The following TUT7 variants were observed in gnomAD, a reference collection of about 807,000 sequenced individuals.
TUT7 encodes the protein terminal uridylyltransferase 7.
Under a neutral mutation model 165.9 loss-of-function variants are expected in TUT7, and 33 were observed. The observed-to-expected ratio is 0.20, with a 90% CI of 0.15 to 0.27. TUT7 has a LOEUF of 0.27. TUT7 is among the 10% of genes least tolerant of loss of function. The pLI, the probability that TUT7 is intolerant of heterozygous loss-of-function variation, is 1.00. For synonymous variants in TUT7, 552 were observed against 608.1 expected (o/e 0.91, Z 1.36); for missense variants, 1,338 against 1,762.3 (o/e 0.76, Z 4.31).
At position 86,311,560 on chromosome 9, in the gene TUT7, T is replaced by C. The variant is rs142557445; in HGVS notation, c.3275-751A>G. On this transcript the variant is annotated intron_variant, in intron 17 of 26. Transcript: ENST00000375963. The surrounding 1 kb of genome is among the most constrained non-coding windows in gnomAD (Gnocchi z 4.4). ...ATACACATTTTGCTAAGAATTATCC[T>C]TAGTCCTCTCCCTCTCCCTCTCCCC... is the stretch of plus-strand genomic sequence containing the variant. 3.7e-3 allele frequency among the ~76,000 whole-genome samples: 547 copies of C among 149,178 alleles called. 2 individuals are homozygous for C. The highest frequency in any genetic ancestry group is 0.013 in the African/African-American group (527 of 40,296).
chr9:86,290,961 A>G (rs1410822533), intron 26 of TUT7, among the ~76,000 whole-genome samples: 1 of 152,184 alleles, frequency 6.6e-6, no homozygotes, highest in African/African-American at 2.4e-5. Flanking sequence ...AGCTGTTAGA[A>G]GAAAATACAG....
chr9:86,328,287 C>G lies in TUT7; in HGVS notation c.1608+53G>C. ...AAAGAAGACAAGACTGACTAATCCA[C>G]AACTTCACAATTGGCAAGTGAAACT... On this transcript the variant is annotated intron_variant, in intron 11 of 26. Transcript: ENST00000375963. 6 of 1,493,314 alleles carry G rather than the reference C, an allele frequency of 4.0e-6. No individual in the cohort carries two copies. The South Asian group carries it at 8.5e-5, about 21-fold the overall frequency. 92.5% of individuals were successfully genotyped at this position (1,493,314 alleles called of 1,614,324 possible).
intron 2 of TUT7, among the ~76,000 whole-genome samples, chr9:86,348,163 A>G (rs1831937383): frequency 6.6e-6 from 1 of 152,128 alleles, no homozygotes; most frequent in South Asian, 2.1e-4. Context: ...ATTTGCTGTC[A>G]TTTTCTAGAA....
rs564294960 is a variant in TUT7, at chr9:86,316,241, A to G, written c.3274+978T>C. ...TTCAATTCTGTGCATGGTTTACAAA[A>G]TCTATACATTTTATAGCTGTAAATA... On this transcript the variant is annotated intron_variant, in intron 17 of 26. Transcript: ENST00000375963. Among the ~76,000 whole-genome samples, 14 of 152,298 alleles carry G rather than the reference A, an allele frequency of 9.2e-5. 1 individual carries two copies. The highest frequency in any genetic ancestry group is 3.4e-4 in the African/African-American group (14 of 41,562).
rs1829514236 is a variant in TUT7, at chr9:86,323,518, T to C, written c.2232A>G (p.Pro744=). Residue 744 remains proline, a synonymous_variant, in exon 13 of 27, where the codon CCA becomes CCG. Transcript: ENST00000375963. ...DDYKGDKVYH[P]ETGRKNEKEK... ...CTTTCTCGTTTTTCCTTCCTGTTTC[T>C]GGATGGTATACTTTATCACCCTTGT... 1 of 1,614,238 alleles carries C rather than the reference T, an allele frequency of 6.2e-7. No homozygotes were observed. Among genetic ancestry groups the C allele is most frequent in the Non-Finnish European group, 8.5e-7 (1 of 1,180,038 alleles).
At chr9:86,303,683 G>C (rs949944717) in intron 24 of TUT7, among the ~76,000 whole-genome samples, 2 of 152,220 alleles carry the variant, frequency 1.3e-5, no homozygotes, top group Non-Finnish European at 2.9e-5. Flanking sequence ...ACAAAGGAAA[G>C]ATAATGGTCT....
chr9:86,299,643 A>T (rs1166154561), intron 26 of TUT7, among the ~76,000 whole-genome samples: 1 of 151,976 alleles, frequency 6.6e-6, no homozygotes, highest in Non-Finnish European at 1.5e-5. Flanking sequence ...CACCCGGACT[A>T]CCCGCCCCGC....
At chr9:86,325,684 A>C (rs1409635168) in intron 11 of TUT7, among the ~76,000 whole-genome samples, 170 bp from the exon 12 acceptor site, 1 of 152,264 alleles carries the variant, frequency 6.6e-6, no homozygotes, top group Admixed American at 6.5e-5. Context: ...GTTTGTGGTA[A>C]AACAGCATTA....
At chr9:86,353,738 T>C (rs1220217178) in intron 1 of TUT7, among the ~76,000 whole-genome samples, 3 of 152,314 alleles carry the variant, frequency 2.0e-5, no homozygotes, top group Non-Finnish European at 2.9e-5. Context: ...ACCCCTATTC[T>C]GGACAGACCG....
At chr9:86,319,908 C>G (rs1180016733) in intron 14 of TUT7, among the ~76,000 whole-genome samples, 1 of 152,132 alleles carries the variant, frequency 6.6e-6, no homozygotes, top group Non-Finnish European at 1.5e-5. Context: ...TCTTAGCTTA[C>G]TGCAACCTCT....
intron 17 of TUT7, 138 bp downstream of exon 17, chr9:86,317,077 ATTTT>A (rs35842173): frequency 1.5e-6 from 1 of 648,250 alleles, no homozygotes; most frequent in African/African-American, 1.8e-5. Flanking sequence ...GCATCTAAGG[ATTTT>A]TTTTATCTGC....
At chr9:86,343,338 C>A (rs536862224) in intron 5 of TUT7, among the ~76,000 whole-genome samples, 175 bp from the exon 6 acceptor site, 1 of 152,266 alleles carries the variant, frequency 6.6e-6, no homozygotes, top group South Asian at 2.1e-4. Context: ...TTGCTCTTCA[C>A]TTAATTTAAT....
chr9:86,305,231 C>G lies in TUT7; in HGVS notation c.3847G>C (p.Asp1283His). The G allele has an allele frequency of 6.3e-7, 1 of 1,597,906 alleles. No homozygotes were observed. Among genetic ancestry groups the G allele is most frequent in the Non-Finnish European group, 8.5e-7 (1 of 1,174,742 alleles). Residue 1283 changes from aspartate to histidine, a missense_variant, in exon 23 of 27, where the codon GAT becomes CAT. Around this residue, in one of 7 missense-constraint regions of TUT7, gnomAD observed 157 missense variants for 357.5 expected, o/e 0.44. Coordinates refer to ENST00000375963, the MANE Select transcript of TUT7 (RefSeq NM_024617.4). ...SKYIVIEDPF[D>H]LNHNLGAGLS... ...CCAGCTCCAAGATTATGATTCAAAT[C>G]AAAGGGATCTAAGCAAAAAAATTTA... is the stretch of plus-strand genomic sequence containing the variant.
At chr9:86,313,380 T>C (rs142959271) in intron 17 of TUT7, among the ~76,000 whole-genome samples, 66 of 152,172 alleles carry the variant, frequency 4.3e-4, no homozygotes, top group African/African-American at 1.5e-3. Flanking sequence ...TTTGAGAGCA[T>C]CTGTAACTGG....
chr9:86,344,790 T>C, intron 5 of TUT7, 187 bp downstream of exon 5: 2 of 573,368 alleles, frequency 3.5e-6, no homozygotes, highest in Non-Finnish European at 6.0e-6. Context: ...AGGTTTATAA[T>C]GACAATGCAT....
intron 10 of TUT7, among the ~76,000 whole-genome samples, chr9:86,329,244 C>G (rs1830082597): frequency 6.6e-6 from 1 of 152,110 alleles, no homozygotes; most frequent in Admixed American, 6.5e-5. Flanking sequence ...AATGAACAGG[C>G]CACGCATGGT....
intron 6 of TUT7, among the ~76,000 whole-genome samples, chr9:86,341,598 T>C (rs1831333708): frequency 6.6e-6 from 1 of 152,152 alleles, no homozygotes; most frequent in Non-Finnish European, 1.5e-5. Context: ...CATCCTAATC[T>C]CCTGCTCTTC....
At chr9:86,322,825 A>G (rs1197108096) in intron 13 of TUT7, 48 bp downstream of exon 13, 4 of 1,517,212 alleles carry the variant, frequency 2.6e-6, no homozygotes, top group Non-Finnish European at 3.5e-6. Context: ...AATGCATTCA[A>G]AGTCCTTAAA....
intron 26 of TUT7, among the ~76,000 whole-genome samples, chr9:86,296,092 CAAGT>C (rs998700332): frequency 9.2e-5 from 14 of 152,154 alleles, no homozygotes; most frequent in African/African-American, 2.7e-4. Flanking sequence ...GAAATTACAG[CAAGT>C]GTTTGTTAAC....
Sources: allele counts gnomAD v4.1 joint callset (sites outside exome capture counted in the v4.1 genomes callset), GRCh38; gene constraint gnomAD v4.1.1; regional missense constraint gnomAD v4.1.1; non-coding constraint Gnocchi (gnomAD v3.1); transcripts MANE v1.5; gene names NCBI Gene and HGNC (gene_info 2026-07-23, HGNC 2026-07-21).